ST18: variants seen among roughly 807,000 people sequenced by gnomAD.
ST18 encodes the protein ST18 C2H2C-type zinc finger transcription factor, also known as suppression of tumorigenicity 18 protein.
In ST18, 50 loss-of-function variants were observed where a neutral mutation model predicts 110.0. That is an observed-to-expected ratio of 0.45 (90% CI 0.36 to 0.58). The LOEUF is 0.58. Among genes scored for constraint, ST18 ranks in the 20% least tolerant of loss-of-function variants. ST18 has a pLI of 0.00. For missense variants in ST18, 1,306 were observed against 1,280.1 expected (o/e 1.02, Z -0.31); for synonymous variants, 461 against 452.4 (o/e 1.02, Z -0.24).
chr8:52,257,881 T>C (rs1415329401), intron 2 of ST18, among the ~76,000 whole-genome samples: 1 of 152,222 alleles, frequency 6.6e-6, no homozygotes, highest in Admixed American at 6.5e-5. Context: ...AGATTACATC[T>C]GTTTTCTTCC....
intron 24 of ST18, among the ~76,000 whole-genome samples, chr8:52,117,129 C>T (rs2042851488): frequency 1.3e-5 from 2 of 152,316 alleles, no homozygotes; most frequent in Non-Finnish European, 1.5e-5. Flanking sequence ...CTTGTTGTCT[C>T]TGAGACTGTT....
intron 2 of ST18, among the ~76,000 whole-genome samples, chr8:52,289,851 T>C (rs1464416506): frequency 6.6e-6 from 1 of 152,070 alleles, no homozygotes; most frequent in Non-Finnish European, 1.5e-5. Context: ...ATCTACAGGG[T>C]TGCTACTCGG....
chr8:52,309,460 G>A (rs2095865783), intron 2 of ST18, among the ~76,000 whole-genome samples: 1 of 143,712 alleles, frequency 7.0e-6, no homozygotes, highest in Non-Finnish European at 1.5e-5. Flanking sequence ...AGTGGAGTTT[G>A]CAGTGAGCCG....
At chr8:52,344,621 G>A (rs1380363273) in intron 2 of ST18, among the ~76,000 whole-genome samples, 3 of 151,998 alleles carry the variant, frequency 2.0e-5, no homozygotes, top group African/African-American at 4.8e-5. Flanking sequence ...GGCTGGTCAC[G>A]AACCCCTGAC....
chr8:52,116,237 C>T lies in ST18; in HGVS notation c.3003+38G>A, dbSNP rs113744338. ...TAGATGCATGATGACACTGCAAATG[C>T]TTGTAATGGAATGGCAAGGTTCTGG... On this transcript the variant is annotated intron_variant, in intron 25 of 25. Coordinates refer to ENST00000689386, the MANE Select transcript of ST18 (RefSeq NM_001352837.2). 4.4e-6 allele frequency: 7 copies of T among 1,599,456 alleles called. No homozygotes were observed. In the African/African-American group the frequency reaches 8.0e-5, roughly 18 times the overall value.
chr8:52,273,483 T>C (rs531705379), intron 2 of ST18, among the ~76,000 whole-genome samples: 1 of 152,240 alleles, frequency 6.6e-6, no homozygotes, highest in Non-Finnish European at 1.5e-5. Flanking sequence ...TAGAGCACAA[T>C]AGTACGGGTT....
chr8:52,299,192 A>G (rs966665114), intron 2 of ST18, among the ~76,000 whole-genome samples: 2 of 152,138 alleles, frequency 1.3e-5, no homozygotes, highest in Non-Finnish European at 2.9e-5. Context: ...TTATACACAC[A>G]TATGTGTACA....
intron 2 of ST18, among the ~76,000 whole-genome samples, chr8:52,385,846 G>A (rs1407755474): frequency 6.6e-6 from 1 of 152,194 alleles, no homozygotes; most frequent in Non-Finnish European, 1.5e-5. Context: ...TAGAGTCTGA[G>A]GGACCCCTGT....
chr8:52,145,083 A>G (rs1309826691), intron 16 of ST18, among the ~76,000 whole-genome samples: 3 of 151,128 alleles, frequency 2.0e-5, no homozygotes, highest in African/African-American at 7.3e-5. Flanking sequence ...CGAAAACGGC[A>G]TAAAGTAAAA....
intron 15 of ST18, among the ~76,000 whole-genome samples, chr8:52,155,720 G>GA (rs1171885417): frequency 1.4e-4 from 21 of 152,108 alleles, no homozygotes; most frequent in Admixed American, 1.4e-3. Context: ...TTGCCCCTCT[G>GA]AAAACAACCT....
intron 19 of ST18, 39 bp downstream of exon 19, chr8:52,136,550 TG>T: frequency 6.3e-7 from 1 of 1,579,840 alleles, no homozygotes; most frequent in Non-Finnish European, 8.6e-7. Context: ...GGTCCTACCG[TG>T]TGGATGAAGG....
chr8:52,190,057 C>T (rs2073968770), intron 8 of ST18, among the ~76,000 whole-genome samples: 1 of 152,124 alleles, frequency 6.6e-6, no homozygotes, highest in South Asian at 2.1e-4. Context: ...CAAAATGCTC[C>T]AAAATTTGAA....
Position 52,408,359 on chromosome 8 carries a change from T to G in ST18, c.-465+969A>C, listed in dbSNP as rs577926158. Among the ~76,000 whole-genome samples the G allele has an allele frequency of 1.1e-4, 17 of 152,342 alleles. No individual in the cohort carries two copies. The East Asian group carries it at 2.7e-3, about 24-fold the overall frequency. On this transcript the variant is annotated intron_variant, in intron 2 of 25. Coordinates refer to ENST00000689386, the MANE Select transcript of ST18 (RefSeq NM_001352837.2). ...CTCCAAGTTGTGTGCAATAAATGTATTCACCAACTGCCGGAAAATCAGAAG... is the reference window on the plus strand; with the variant it reads ...CTCCAAGTTGTGTGCAATAAATGTAGTCACCAACTGCCGGAAAATCAGAAG...
chr8:52,392,871 G>A (rs1839775919), intron 2 of ST18, among the ~76,000 whole-genome samples: 1 of 152,202 alleles, frequency 6.6e-6, no homozygotes, highest in East Asian at 1.9e-4. Flanking sequence ...TGAAGACTTG[G>A]CCCATGACCA....
intron 15 of ST18, among the ~76,000 whole-genome samples, chr8:52,157,235 T>A (rs2060260752): frequency 6.6e-6 from 1 of 152,210 alleles, no homozygotes; most frequent in Non-Finnish European, 1.5e-5. Context: ...GTTTGATATG[T>A]TGCTTGGTGT....
At chr8:52,346,630 C>A (rs1817908967) in intron 2 of ST18, among the ~76,000 whole-genome samples, 1 of 152,222 alleles carries the variant, frequency 6.6e-6, no homozygotes. Flanking sequence ...CATCAGCCTT[C>A]TCGCTAGCCA....
chr8:52,167,327 T>G (rs1180428277), intron 10 of ST18, among the ~76,000 whole-genome samples: 1 of 152,134 alleles, frequency 6.6e-6, no homozygotes, highest in African/African-American at 2.4e-5. Flanking sequence ...GAAAAAATAG[T>G]GAGACAGAAT....
At chr8:52,159,170 T>C in intron 14 of ST18, 61 bp from the exon 15 acceptor site, 2 of 1,502,338 alleles carry the variant, frequency 1.3e-6, no homozygotes, top group Non-Finnish European at 1.8e-6. Context: ...TAAACAGATT[T>C]GTTTTTTTTA....
intron 2 of ST18, among the ~76,000 whole-genome samples, chr8:52,319,303 A>C (rs1005443213): frequency 3.9e-5 from 6 of 152,146 alleles, no homozygotes; most frequent in Non-Finnish European, 7.3e-5. Flanking sequence ...TGTACATATT[A>C]ATTAACCATG....
Sources: gnomAD v4.1 joint callset for allele counts (sites outside exome capture counted in the v4.1 genomes callset) on GRCh38, gnomAD v4.1.1 for gene constraint, MANE v1.5 for transcripts, NCBI Gene and HGNC (gene_info 2026-07-23, HGNC 2026-07-21) for gene names.